The following VPS13B variants were observed in gnomAD, a reference collection of about 807,000 sequenced individuals.
The protein encoded by VPS13B is vacuolar protein sorting 13 homolog B.
A neutral mutation model predicts 426.4 loss-of-function variants in VPS13B; 285 were observed. That is an observed-to-expected ratio of 0.67 (90% CI 0.61 to 0.74). VPS13B has a LOEUF of 0.74. Ranked by LOEUF, VPS13B falls within the 30% of genes least tolerant of loss-of-function variation. The probability of loss-of-function intolerance (pLI) is 0.00; values close to 1 mark genes in which losing one functional copy is unlikely to be tolerated. For missense variants in VPS13B, 4,537 were observed against 4,782.6 expected (o/e 0.95, Z 1.51); for synonymous variants, 1,676 against 1,676.4 (o/e 1.00, Z 0.01).
At chr8:99,483,735 T>A (rs1325916083) in intron 25 of VPS13B, among the ~76,000 whole-genome samples, 1 of 152,100 alleles carries the variant, frequency 6.6e-6, no homozygotes, top group African/African-American at 2.4e-5. Context: ...CATTTTGGAG[T>A]GCTCACTCAA....
intron 44 of VPS13B, among the ~76,000 whole-genome samples, chr8:99,814,165 C>G (rs951929369): frequency 1.6e-4 from 25 of 151,936 alleles, no homozygotes; most frequent in African/African-American, 5.3e-4. Context: ...AATAATAGTT[C>G]ATTTATAAAT....
intron 18 of VPS13B, 39 bp downstream of exon 18, chr8:99,274,371 A>G (rs760934040): frequency 6.3e-5 from 101 of 1,613,808 alleles, no homozygotes; most frequent in Middle Eastern, 1.6e-4. Context: ...TATTGCCTGT[A>G]TAGGAGAATT....
chr8:99,828,433 TTG>T (rs1814854541), intron 51 of VPS13B, among the ~76,000 whole-genome samples: 1 of 109,728 alleles, frequency 9.1e-6, no homozygotes, highest in Non-Finnish European at 1.9e-5. Context: ...TTTTTTTTTT[TTG>T]CTTTCCATGT....
At chr8:99,266,359 C>T (rs1252277127) in intron 17 of VPS13B, among the ~76,000 whole-genome samples, 1 of 151,808 alleles carries the variant, frequency 6.6e-6, no homozygotes, top group Non-Finnish European at 1.5e-5. Flanking sequence ...TTACAGTGAG[C>T]TATGATTGCA....
chr8:99,088,938 C>CT (rs1359330489), intron 3 of VPS13B, among the ~76,000 whole-genome samples: 4 of 152,116 alleles, frequency 2.6e-5, no homozygotes, highest in Non-Finnish European at 4.4e-5. Context: ...TTTCAAATCT[C>CT]TTGTTCTTTG....
rs777696070 is a variant in VPS13B, at chr8:99,744,775, A to T, written c.7051-21999A>T. The stretch of plus-strand genomic sequence containing the variant: ...CATAGGTGGGAATTGAACAATGAGA[A>T]TACATGGACACAGGAAGGGGAACAT... On this transcript the variant is annotated intron_variant, in intron 39 of 61. Coordinates refer to ENST00000357162, the MANE Select transcript of VPS13B (RefSeq NM_152564.5). 1.8e-4 allele frequency among the ~76,000 whole-genome samples: 28 copies of T among 151,566 alleles called. 1 individual carries two copies. Among genetic ancestry groups the T allele is most frequent in the African/African-American group, 6.3e-4 (26 of 41,282 alleles).
intron 17 of VPS13B, among the ~76,000 whole-genome samples, chr8:99,198,927 A>G (rs1315688234): frequency 1.3e-5 from 2 of 151,896 alleles, no homozygotes; most frequent in African/African-American, 4.8e-5. Flanking sequence ...GTTCTATCTA[A>G]AGATCCACGA....
At chr8:99,717,959 C>G (rs984004131) in intron 37 of VPS13B, among the ~76,000 whole-genome samples, 12 of 152,096 alleles carry the variant, frequency 7.9e-5, no homozygotes, top group African/African-American at 2.9e-4. Flanking sequence ...CCACTTTTGG[C>G]TGCTATGAAT....
intron 2 of VPS13B, among the ~76,000 whole-genome samples, chr8:99,033,068 A>G (rs2132203318): frequency 6.6e-6 from 1 of 152,320 alleles, no homozygotes; most frequent in South Asian, 2.1e-4. Flanking sequence ...CTTTTAAACC[A>G]GAAGAACAAA....
At chr8:99,317,975 GT>G (rs1177020037) in intron 19 of VPS13B, among the ~76,000 whole-genome samples, 1 of 152,006 alleles carries the variant, frequency 6.6e-6, no homozygotes, top group Non-Finnish European at 1.5e-5. Flanking sequence ...TTCCAACTGT[GT>G]TTTTTTGGGG....
chr8:99,807,853 A>T (rs940824327), intron 43 of VPS13B, among the ~76,000 whole-genome samples: 1 of 151,316 alleles, frequency 6.6e-6, no homozygotes, highest in African/African-American at 2.4e-5. Flanking sequence ...GGAGATTTTT[A>T]AAAATAATGT....
At chr8:99,340,183 C>T (rs1030228980) in intron 19 of VPS13B, 1 of 165,488 alleles carries the variant, frequency 6.0e-6, no homozygotes, top group Non-Finnish European at 1.3e-5. Flanking sequence ...CTGCCAGAGT[C>T]CCCACGTGGT....
chr8:99,553,045 T>C (rs1378158700), intron 30 of VPS13B, among the ~76,000 whole-genome samples: 1 of 152,140 alleles, frequency 6.6e-6, no homozygotes, highest in Non-Finnish European at 1.5e-5. Context: ...TTTATGTGAA[T>C]TGTCTTCTAT....
chr8:99,204,272 T>C (rs1814545537), intron 17 of VPS13B, among the ~76,000 whole-genome samples: 1 of 152,214 alleles, frequency 6.6e-6, no homozygotes, highest in Non-Finnish European at 1.5e-5. Context: ...GATTCTCTGC[T>C]TAATAAATGG....
chr8:99,461,352 A>C (rs984903482), intron 23 of VPS13B, among the ~76,000 whole-genome samples: 3 of 152,010 alleles, frequency 2.0e-5, no homozygotes, highest in East Asian at 1.9e-4. Flanking sequence ...ATGATTACAT[A>C]CTCTCTCAGA....
At position 99,699,638 on chromosome 8, in the gene VPS13B, A is replaced by C; in HGVS notation, c.6160A>C (p.Ser2054Arg). The change falls in exon 36 of 62, where the codon AGT becomes CGT. Residue 2054 changes from serine (S) to arginine (R), a missense_variant. This residue lies in a region of VPS13B where 4,311 missense variants were observed against 4,474.3 expected (regional missense o/e 0.96). Coordinates refer to ENST00000357162, the MANE Select transcript of VPS13B (RefSeq NM_152564.5). ...KIKNAHSLAH[S>R]EETSAMSNTM... is the part of the protein sequence containing the mutation. ...AAAAAATGCACACAGTTTGGCACAT[A>C]GTGAAGAGACTTCAGCCATGTCCAA... 5.6e-6 allele frequency: 9 copies of C among 1,614,194 alleles called. No homozygotes were observed. The highest frequency in any genetic ancestry group is 5.3e-5 in the African/African-American group (4 of 75,054).
intron 35 of VPS13B, among the ~76,000 whole-genome samples, chr8:99,671,033 T>C (rs1280770307): frequency 6.6e-6 from 1 of 152,206 alleles, no homozygotes; most frequent in East Asian, 1.9e-4. Flanking sequence ...ATGGTAGTTA[T>C]ATTTTTAATT....
At position 99,021,439 on chromosome 8, in the gene VPS13B, G is replaced by A. The variant is rs573448195; in HGVS notation, c.147+7504G>A. On this transcript the variant is annotated intron_variant, in intron 2 of 61. Transcript: ENST00000357162. ...AGTTCGAGACCAGCCTGACCAAACTGGTGAAACCCTGTCTCTACTAAAAAT... is the reference window on the plus strand; with the variant it reads ...AGTTCGAGACCAGCCTGACCAAACTAGTGAAACCCTGTCTCTACTAAAAAT... Among the ~76,000 whole-genome samples the A allele has an allele frequency of 2.6e-5, 4 of 152,174 alleles. No individual in the cohort carries two copies. In the South Asian group the frequency reaches 8.3e-4, roughly 32 times the overall value.
intron 12 of VPS13B, among the ~76,000 whole-genome samples, chr8:99,139,434 C>CTTTTTTTTTTTTTTT (rs368548690): frequency 1.5e-5 from 2 of 135,674 alleles, no homozygotes. Context: ...TTGATATTTC[C>CTTTTTTTTTTTTTTT]TTTTTTTTTT....
Sources: gnomAD v4.1 joint callset for allele counts (sites outside exome capture counted in the v4.1 genomes callset) on GRCh38, gnomAD v4.1.1 for gene constraint, gnomAD v4.1.1 regional missense constraint, MANE v1.5 for transcripts, NCBI Gene and HGNC (gene_info 2026-07-23, HGNC 2026-07-21) for gene names.